CLUH: variants seen among roughly 807,000 people sequenced by gnomAD.
CLUH encodes CLUH binding protein of NUMT mRNA, also known as clustered mitochondria protein homolog.
Under a neutral mutation model 139.3 loss-of-function variants are expected in CLUH, and 77 were observed. The observed-to-expected ratio is 0.55, with a 90% confidence interval of 0.46 to 0.67. The LOEUF is 0.67. CLUH is among the 30% of genes least tolerant of loss of function. CLUH has a pLI of 0.00. For synonymous variants in CLUH, 999 were observed against 801.6 expected (o/e 1.25, Z -4.16); for missense variants, 1,876 against 1,875.8 (o/e 1.00, Z 0.00).
chr17:2,692,174 G>A, intron 22 of CLUH, 77 bp from the exon 23 acceptor site: 2 of 1,471,314 alleles, frequency 1.4e-6, no homozygotes, highest in Non-Finnish European at 1.8e-6. Context: ...GGGGCCCGGG[G>A]TCTCCCGTAG....
Position 2,704,236 on chromosome 17 carries a change from G to A in CLUH, c.303+126C>T. On this transcript the variant is annotated intron_variant, in intron 2 of 25. Transcript: ENST00000651024. This position sits in a 1 kb window ranked among gnomAD's most constrained non-coding sequence, Gnocchi z 5.7. ...ACGCTAGCTGAGTGACTCTAGGGAG[G>A]GCACGGGATCCTCAGTTTCCTGCCA... The A allele has an allele frequency of 1.0e-6, 1 of 995,780 alleles. No individual in the cohort carries two copies. Among genetic ancestry groups the A allele is most frequent in the African/African-American group, 1.6e-5 (1 of 61,672 alleles). 61.7% of individuals were successfully genotyped at this position (995,780 alleles called of 1,614,324 possible).
chr17:2,692,237 A>AG, intron 22 of CLUH, 124 bp downstream of exon 22: 1 of 1,431,498 alleles, frequency 7.0e-7, no homozygotes, highest in Non-Finnish European at 9.3e-7. Flanking sequence ...CTCAGGGAAG[A>AG]GGGGGAGGTC....
At chr17:2,692,178 CCCGTAGAT>C in intron 22 of CLUH, 81 bp from the exon 23 acceptor site, 1 of 1,464,814 alleles carries the variant, frequency 6.8e-7, no homozygotes, top group Admixed American at 2.0e-5. Flanking sequence ...CCCGGGGTCT[CCCGTAGAT>C]CCCTCCCTGG....
At position 2,697,092 on chromosome 17, in the gene CLUH, A is replaced by G; in HGVS notation, c.1962-150T>C. 1.3e-5 allele frequency: 8 copies of G among 626,240 alleles called. No homozygotes were observed. In the South Asian group the frequency reaches 1.8e-4, roughly 14 times the overall value. The allele number at this position is 626,240 out of a possible 1,614,324, so 38.8% of individuals were successfully genotyped here. A position where few individuals can be genotyped will look rare whatever the true frequency, so the allele number is the denominator to read the frequency against. ...CATGAGTCAACGCAGAAAAACCAAG[A>G]TCTCCCAAGACAGGAAGAAAAAGGC... is the stretch of plus-strand genomic sequence containing the variant. On this transcript the variant is annotated intron_variant, in intron 10 of 25. Transcript: ENST00000651024.
At position 2,690,401 on chromosome 17, in the gene CLUH, C is replaced by G; in HGVS notation, c.*193G>C. 1 of 452,478 alleles carries G rather than the reference C, an allele frequency of 2.2e-6. No individual in the cohort carries two copies. The highest frequency in any genetic ancestry group is 3.8e-6 in the Non-Finnish European group (1 of 260,678). 28.0% of individuals were successfully genotyped at this position (452,478 alleles called of 1,614,324 possible). ...CAATGGGGCCTCTGCATCATCTATT[C>G]ATTGAACCAGCGCAAAAACACCTTC... On this transcript the variant is annotated 3_prime_UTR_variant, in exon 26 of 26. Transcript: ENST00000651024.
intron 4 of CLUH, 43 bp from the exon 5 acceptor site, chr17:2,701,780 G>T: frequency 6.4e-7 from 1 of 1,555,704 alleles, no homozygotes. Flanking sequence ...GCCACCCAGG[G>T]CCAGCTGTCT....
rs2070253864 is a variant in CLUH at position 2,703,559 on chromosome 17, C to T, written c.304-70G>A. The T allele has an allele frequency of 1.9e-5, 28 of 1,498,680 alleles. No homozygotes were observed. The highest frequency in any genetic ancestry group is 8.2e-5 in the South Asian group (7 of 84,930). 92.8% of individuals were successfully genotyped at this position (1,498,680 alleles called of 1,614,324 possible). A position where few individuals can be genotyped will look rare whatever the true frequency, so the allele number is the denominator to read the frequency against. On this transcript the variant is annotated intron_variant, in intron 2 of 25. Transcript: ENST00000651024. This position sits in a 1 kb window ranked among gnomAD's most constrained non-coding sequence, Gnocchi z 4.2. ...CGGGGAGAGAAGGCCCCAACCGCCC[C>T]GGTGAGAGGCCACGTAGCGGACAGC...
chr17:2,704,229 T>C lies in CLUH; in HGVS notation c.303+133A>G, dbSNP rs2151719220. On this transcript the variant is annotated intron_variant, in intron 2 of 25. Coordinates refer to ENST00000651024, the MANE Select transcript of CLUH (RefSeq NM_001366661.1). This position sits in a 1 kb window ranked among gnomAD's most constrained non-coding sequence, Gnocchi z 5.7. ...GTCCACCACGCTAGCTGAGTGACTC[T>C]AGGGAGGGCACGGGATCCTCAGTTT... 2 of 947,532 alleles carry C rather than the reference T, an allele frequency of 2.1e-6. No homozygotes were observed. Among genetic ancestry groups the C allele is most frequent in the Middle Eastern group, 3.1e-4 (1 of 3,242 alleles). 58.7% of individuals were successfully genotyped at this position (947,532 alleles called of 1,614,324 possible). A position where few individuals can be genotyped will look rare whatever the true frequency, so the allele number is the denominator to read the frequency against.
chr17:2,708,847 C>T (rs968844890), intron 1 of CLUH, among the ~76,000 whole-genome samples: 4 of 125,666 alleles, frequency 3.2e-5, no homozygotes, highest in Non-Finnish European at 6.6e-5. Context: ...TCGTCCAGGC[C>T]TCAGCCTCTA....
chr17:2,701,566 C>T (rs1418488986), intron 5 of CLUH, 46 bp from the exon 6 acceptor site: 1 of 1,611,512 alleles, frequency 6.2e-7, no homozygotes, highest in Non-Finnish European at 8.5e-7. Context: ...TGGTGTGGGG[C>T]CTCCACCCCG....
rs1555529512 is a variant in CLUH at position 2,691,978 on chromosome 17, G to GCCCCGC, written c.3654+25_3654+26insGCGGGG. On this transcript the variant is annotated intron_variant, in intron 23 of 25. Transcript: ENST00000651024. ...CCCGCCACGCCCCCGCCCCGCCCCC[G>GCCCCGC]CCCCCGCCACGCCCCCGCCGCGCAC... The GCCCCGC allele has an allele frequency of 6.2e-4, 305 of 489,628 alleles. 3 individuals carry two copies. The highest frequency in any genetic ancestry group is 3.1e-3 in the East Asian group (22 of 7,064). 30.3% of individuals were successfully genotyped at this position (489,628 alleles called of 1,614,324 possible). A position where few individuals can be genotyped will look rare whatever the true frequency, so the allele number is the denominator to read the frequency against.
rs1371132060 is a variant in CLUH at position 2,701,009 on chromosome 17, CT to C, written c.1025+130del. 16 of 1,511,122 alleles carry C rather than the reference CT, an allele frequency of 1.1e-5. No homozygotes were observed. The African/African-American group carries it at 1.9e-4, about 18-fold the overall frequency. 93.6% of individuals were successfully genotyped at this position (1,511,122 alleles called of 1,614,324 possible). Reference sequence around the variant, plus strand: ...TGTCTCGGCACTGGCCGACAGCTCCCTAGAGCGGGGACTCCAACACTGGGGG... The same window carrying C: ...TGTCTCGGCACTGGCCGACAGCTCCCAGAGCGGGGACTCCAACACTGGGGG... On this transcript the variant is annotated intron_variant, in intron 7 of 25. Transcript: ENST00000651024.
chr17:2,691,584 C>T (rs2069636783), intron 25 of CLUH, 25 bp downstream of exon 25: 1 of 1,606,712 alleles, frequency 6.2e-7, no homozygotes. Context: ...AACCGGGAGA[C>T]ACTCGAGTGG....
intron 19 of CLUH, among the ~76,000 whole-genome samples, chr17:2,693,260 C>A (rs1387994720): frequency 1.3e-5 from 2 of 150,658 alleles, no homozygotes. Context: ...GCTGGGTGTG[C>A]TGGCTCACGC....
In CLUH at chr17:2,707,406, T is replaced by G. The variant is rs2070380843; in HGVS notation, c.101-2842A>C. The G allele has an allele frequency of 1.0e-6, 1 of 985,254 alleles. No homozygotes were observed. The highest frequency in any genetic ancestry group is 4.7e-5 in the South Asian group (1 of 21,294). 61.0% of individuals were successfully genotyped at this position (985,254 alleles called of 1,614,324 possible). A position where few individuals can be genotyped will look rare whatever the true frequency, so the allele number is the denominator to read the frequency against. On this transcript the variant is annotated intron_variant, in intron 1 of 25. Coordinates refer to ENST00000651024, the MANE Select transcript of CLUH (RefSeq NM_001366661.1). The surrounding 1 kb of genome is among the most constrained non-coding windows in gnomAD (Gnocchi z 7.4). ...AGCCCCAGGAAGGGCACACTCCCCC[T>G]GCCTGGCATCCCGCTCAAGGTCGGC...
intron 16 of CLUH, 35 bp downstream of exon 16, chr17:2,694,822 T>TACCCCCCCCCCCCCCCCC: frequency 3.0e-6 from 4 of 1,346,330 alleles, no homozygotes; most frequent in Non-Finnish European, 4.0e-6. Flanking sequence ...ATCTGCCCAA[T>TACCCCCCCCCCCCCCCCC]CCCACCCACC....
chr17:2,700,185 G>A (rs2070122309), intron 9 of CLUH, among the ~76,000 whole-genome samples, 197 bp downstream of exon 9: 1 of 152,246 alleles, frequency 6.6e-6, no homozygotes. Flanking sequence ...CCTCAGAGAG[G>A]CCAGAGAAAG....
At chr17:2,700,160 T>C (rs9891048) in intron 9 of CLUH, among the ~76,000 whole-genome samples, 116,118 of 152,242 alleles carry the variant, frequency 0.76, 44,470 homozygotes, top group East Asian at 0.9. Context: ...GCCCGCTCCT[T>C]CCAGGGACTC....
rs1050896519 is a variant in CLUH, at chr17:2,694,987, G to T, written c.2722C>A (p.Arg908=). Residue 908 remains arginine (R), a synonymous_variant, in exon 16 of 26, where the codon CGG becomes AGG. Transcript: ENST00000651024. ...LPADELVSKK[R]NKRRKNRPPG... ...GGCCGGTTTTTCCTCCTCTTATTCC[G>T]CTTCTTGGAGACCAGCTCGTCGGCG... is the stretch of plus-strand genomic sequence containing the variant. 10 of 1,613,556 alleles carry T rather than the reference G, an allele frequency of 6.2e-6. No homozygotes were observed. Among genetic ancestry groups the T allele is most frequent in the Non-Finnish European group, 6.8e-6 (8 of 1,179,774 alleles).
Sources: gnomAD v4.1 joint callset for allele counts (sites outside exome capture counted in the v4.1 genomes callset) on GRCh38, gnomAD v4.1.1 for gene constraint, Gnocchi (gnomAD v3.1) non-coding constraint, MANE v1.5 for transcripts, NCBI Gene and HGNC (gene_info 2026-07-23, HGNC 2026-07-21) for gene names.